The following TPD52L2 variants were observed in gnomAD, a reference collection of about 807,000 sequenced individuals.
The protein encoded by TPD52L2 is tumor protein D54.
In TPD52L2, 19 loss-of-function variants were observed where a neutral mutation model predicts 24.7. The observed-to-expected ratio is 0.77, with a 90% CI of 0.54 to 1.13. The LOEUF (loss-of-function observed/expected upper bound fraction) is 1.13. Ranked by LOEUF, TPD52L2 falls within the 50% of genes most tolerant of loss-of-function variation. The probability of loss-of-function intolerance (pLI) is 0.00; values close to 1 mark genes in which losing one functional copy is unlikely to be tolerated. For missense variants in TPD52L2, 236 were observed against 250.4 expected (o/e 0.94, Z 0.39); for synonymous variants, 104 against 100.2 (o/e 1.04, Z -0.23).
At chr20:63,876,496 T>A (rs2052682011) in intron 4 of TPD52L2, 1 of 343,136 alleles carries the variant, frequency 2.9e-6, no homozygotes, top group Non-Finnish European at 5.7e-6. Flanking sequence ...TGGAGATCCT[T>A]AAACTAGATA....
At chr20:63,871,208 A>T (rs2052451456) in intron 2 of TPD52L2, among the ~76,000 whole-genome samples, 1 of 150,526 alleles carries the variant, frequency 6.6e-6, no homozygotes, top group Non-Finnish European at 1.5e-5. Context: ...ACACCTGGCT[A>T]ATTTTTGTAT....
chr20:63,879,637 T>C (rs1450222529), intron 4 of TPD52L2, among the ~76,000 whole-genome samples: 1,171 of 81,394 alleles, frequency 0.014, no homozygotes, highest in Middle Eastern at 0.077. Flanking sequence ...AATGCAGGTG[T>C]AGCTTCCCCA....
In TPD52L2 at chr20:63,873,694, C is replaced by T. The variant is rs754596309; in HGVS notation, c.192C>T (p.Arg64=). Residue 64 remains arginine (R), a synonymous_variant, in exon 3 of 7, where the codon CGC becomes CGT. Transcript: ENST00000346249. ...TKVEEEIVTL[R]QVLAAKERHC... ...TGGAAGAGGAAATTGTCACTCTGCGCCAGGTCCTGGCAGCCAAGGAGAGGC... is the reference window on the plus strand; with the variant it reads ...TGGAAGAGGAAATTGTCACTCTGCGTCAGGTCCTGGCAGCCAAGGAGAGGC... 42 of 1,609,662 alleles carry T rather than the reference C, an allele frequency of 2.6e-5. No homozygotes were observed. The Admixed American group carries it at 4.6e-4, about 18-fold the overall frequency.
At chr20:63,874,532 C>T (rs1378718077) in intron 3 of TPD52L2, among the ~76,000 whole-genome samples, 4 of 151,982 alleles carry the variant, frequency 2.6e-5, no homozygotes, top group Admixed American at 1.3e-4. Flanking sequence ...CGCCACCATG[C>T]CTGGCTAATT....
intron 4 of TPD52L2, chr20:63,876,754 TG>T (rs1476562954): frequency 1.8e-5 from 8 of 455,706 alleles, no homozygotes; most frequent in Non-Finnish European, 3.1e-5. Context: ...CCTTTGCGTC[TG>T]GTGTCACGGT....
intron 5 of TPD52L2, among the ~76,000 whole-genome samples, chr20:63,885,312 C>T (rs1489064734): frequency 6.6e-6 from 1 of 152,224 alleles, no homozygotes; most frequent in Non-Finnish European, 1.5e-5. Flanking sequence ...AGGGTCAGGT[C>T]ACCGTCTGAC....
chr20:63,879,619 T>C (rs1365030704), intron 4 of TPD52L2, among the ~76,000 whole-genome samples: 3 of 135,152 alleles, frequency 2.2e-5, no homozygotes, highest in Admixed American at 7.3e-5. Flanking sequence ...GCCCACTCTT[T>C]AGGCACAAAT....
intron 2 of TPD52L2, 86 bp downstream of exon 2, chr20:63,869,527 CG>C: frequency 1.3e-6 from 2 of 1,556,498 alleles, no homozygotes; most frequent in Non-Finnish European, 1.8e-6. Flanking sequence ...TGGCCACGCT[CG>C]GGAGGAATTG....
intron 5 of TPD52L2, among the ~76,000 whole-genome samples, chr20:63,886,528 A>AT (rs1346877524): frequency 2.0e-5 from 3 of 151,470 alleles, no homozygotes; most frequent in Admixed American, 6.6e-5. Context: ...CGCCCGGCTA[A>AT]TTTTTTGTAT....
Position 63,877,894 on chromosome 20 carries a change from G to T in TPD52L2, c.374+2019G>T, listed in dbSNP as rs1316459394. Among the ~76,000 whole-genome samples the T allele has an allele frequency of 6.6e-6, 1 of 152,298 alleles. No homozygotes were observed. The highest frequency in any genetic ancestry group is 2.1e-4 in the South Asian group (1 of 4,832). On this transcript the variant is annotated intron_variant, in intron 4 of 6. Coordinates refer to ENST00000346249, the MANE Select transcript of TPD52L2 (RefSeq NM_003288.4). This position sits in a 1 kb window ranked among gnomAD's most constrained non-coding sequence, Gnocchi z 4.1. ...CGAGGGCGATGGTTTCTGCCGGGAC[G>T]GCCCAGGCCGAGGGCGATGGTTTCT...
At chr20:63,886,718 C>T (rs568367583) in intron 5 of TPD52L2, among the ~76,000 whole-genome samples, 1 of 147,764 alleles carries the variant, frequency 6.8e-6, no homozygotes, top group East Asian at 2.0e-4. Flanking sequence ...GATCTCGGCT[C>T]ACTGCAACCT....
At chr20:63,866,866 G>A (rs2052264754) in intron 1 of TPD52L2, among the ~76,000 whole-genome samples, 1 of 151,194 alleles carries the variant, frequency 6.6e-6, no homozygotes, top group African/African-American at 2.4e-5. Context: ...TCAACTCCTG[G>A]GCTCAAGCGA....
intron 5 of TPD52L2, 28 bp from the exon 6 acceptor site, chr20:63,889,162 A>T (rs960774605): frequency 6.2e-7 from 1 of 1,609,988 alleles, no homozygotes; most frequent in Non-Finnish European, 8.5e-7. Flanking sequence ...TCCTCTTGAC[A>T]CCGACACTCT....
intron 3 of TPD52L2, 48 bp downstream of exon 3, chr20:63,873,864 AC>A (rs2052560055): frequency 1.4e-6 from 2 of 1,429,840 alleles, no homozygotes; most frequent in East Asian, 5.4e-5. Context: ...GAGAACGGGC[AC>A]CACACGTGCC....
At chr20:63,873,982 G>A (rs749607299) in intron 3 of TPD52L2, among the ~76,000 whole-genome samples, 166 bp downstream of exon 3, 4 of 152,140 alleles carry the variant, frequency 2.6e-5, no homozygotes, top group African/African-American at 9.7e-5. Flanking sequence ...TTGGCCCAGC[G>A]ACTGTGCCTT....
chr20:63,885,520 G>A (rs2053059059), intron 5 of TPD52L2, among the ~76,000 whole-genome samples: 1 of 152,224 alleles, frequency 6.6e-6, no homozygotes, highest in Non-Finnish European at 1.5e-5. Flanking sequence ...CGGCGCCAAG[G>A]GTGTCCCACA....
chr20:63,882,836 G>A lies in TPD52L2; in HGVS notation c.476+16G>A, dbSNP rs766413879. ...GAGACATGAGGTGAGACGCAACCCT[G>A]ACTCTGCTGCCCTGAGACCTGGCCA... is the stretch of plus-strand genomic sequence containing the variant. On this transcript the variant is annotated intron_variant, in intron 5 of 6. Coordinates refer to ENST00000346249, the MANE Select transcript of TPD52L2 (RefSeq NM_003288.4). 4.4e-6 allele frequency: 7 copies of A among 1,596,352 alleles called. No homozygotes were observed.
intron 3 of TPD52L2, among the ~76,000 whole-genome samples, chr20:63,875,425 A>G (rs867409122): frequency 6.6e-6 from 1 of 152,236 alleles, no homozygotes; most frequent in Non-Finnish European, 1.5e-5. Context: ...AGAACAGGTC[A>G]CATTTCATAA....
At chr20:63,884,321 A>C (rs2053016305) in intron 5 of TPD52L2, among the ~76,000 whole-genome samples, 1 of 152,094 alleles carries the variant, frequency 6.6e-6, no homozygotes, top group East Asian at 1.9e-4. Flanking sequence ...TCTTCCCGAA[A>C]ATGCTGGTCT....
Sources: gnomAD v4.1 joint callset for allele counts (sites outside exome capture counted in the v4.1 genomes callset) on GRCh38, gnomAD v4.1.1 for gene constraint, Gnocchi (gnomAD v3.1) non-coding constraint, MANE v1.5 for transcripts, NCBI Gene and HGNC (gene_info 2026-07-23, HGNC 2026-07-21) for gene names.